Variants in ANO10 observed in about 807,000 individuals in gnomAD.
ANO10 encodes the protein anoctamin 10.
In ANO10, 77 loss-of-function variants were observed where a neutral mutation model predicts 74.7. The ratio of observed to expected loss-of-function variants is 1.03; its 90% CI spans 0.86 to 1.25. ANO10 has a LOEUF of 1.25. Among genes scored for constraint, ANO10 ranks in the 50% most tolerant of loss-of-function variants. ANO10 has a pLI of 0.00. For missense variants in ANO10, 721 were observed against 778.1 expected (o/e 0.93, Z 0.87); for synonymous variants, 279 against 284.9 (o/e 0.98, Z 0.21).
chr3:43,598,510 A>T (rs1263986123), intron 4 of ANO10, 22 bp downstream of exon 4: 1 of 1,611,572 alleles, frequency 6.2e-7, no homozygotes, highest in African/African-American at 1.3e-5. Context: ...TAAGAAAAAG[A>T]CTGGTTGACA....
chr3:43,435,070 T>G (rs1559541362), intron 11 of ANO10, among the ~76,000 whole-genome samples: 1 of 152,198 alleles, frequency 6.6e-6, no homozygotes, highest in Admixed American at 6.5e-5. Context: ...ACACAGGGAT[T>G]CCTATAAATG....
intron 11 of ANO10, among the ~76,000 whole-genome samples, chr3:43,465,678 T>C (rs11714099): frequency 6.6e-6 from 1 of 152,058 alleles, no homozygotes; most frequent in Non-Finnish European, 1.5e-5. Context: ...AATAATCTTA[T>C]GAGACCACTG....
intron 11 of ANO10, among the ~76,000 whole-genome samples, chr3:43,436,624 A>G (rs144587253): frequency 6.6e-6 from 1 of 152,294 alleles, no homozygotes; most frequent in Non-Finnish European, 1.5e-5. Context: ...ACAGGACCAG[A>G]GAAAATTAGC....
At position 43,667,119 on chromosome 3, in the gene ANO10, C is replaced by G. The variant is rs535279534; in HGVS notation, c.-12+24398G>C. Among the ~76,000 whole-genome samples the G allele has an allele frequency of 4.6e-5, 5 of 108,444 alleles. No homozygotes were observed. In the South Asian group the frequency reaches 1.6e-3, roughly 34 times the overall value. The allele number at this position is 108,444 out of a possible 152,430, so 71.1% of individuals were successfully genotyped here. ...TTTTTGTCTTTTCTTGAGACAGAGT[C>G]TCGCTCTGTCACCCAGGCTGGAGTG... On this transcript the variant is annotated intron_variant, in intron 1 of 3. Coordinates refer to the ANO10 transcript ENST00000413397.
At chr3:43,489,356 T>G (rs2076629746) in intron 11 of ANO10, among the ~76,000 whole-genome samples, 2 of 152,072 alleles carry the variant, frequency 1.3e-5, no homozygotes, top group South Asian at 4.1e-4. Context: ...AAAAAATCTG[T>G]TTTTGGCCAC....
chr3:43,658,533 G>A (rs1446441146), intron 1 of ANO10, among the ~76,000 whole-genome samples: 10 of 151,866 alleles, frequency 6.6e-5, no homozygotes, highest in African/African-American at 9.7e-5. Flanking sequence ...GCAGTGGTGC[G>A]ATCTCAGCTC....
chr3:43,542,424 C>T (rs763484180), intron 11 of ANO10, among the ~76,000 whole-genome samples: 3 of 152,106 alleles, frequency 2.0e-5, no homozygotes, highest in Non-Finnish European at 4.4e-5. Flanking sequence ...GTAACACAGA[C>T]GGAACCAATG....
chr3:43,507,068 C>T (rs1364349878), intron 11 of ANO10, among the ~76,000 whole-genome samples: 1 of 152,140 alleles, frequency 6.6e-6, no homozygotes, highest in Non-Finnish European at 1.5e-5. Flanking sequence ...CTAATTCCTA[C>T]TTATTGGAAG....
intron 12 of ANO10, among the ~76,000 whole-genome samples, chr3:43,401,933 C>T (rs148663828): frequency 7.7e-4 from 118 of 152,268 alleles, no homozygotes; most frequent in African/African-American, 2.5e-3. Context: ...GGGTGTCACC[C>T]TCTGCATTTT....
chr3:43,556,088 A>G (rs2079733900), intron 9 of ANO10, among the ~76,000 whole-genome samples: 1 of 152,150 alleles, frequency 6.6e-6, no homozygotes, highest in Admixed American at 6.5e-5. Flanking sequence ...TTGGCTCTAG[A>G]TGGTATGTTC....
intron 9 of ANO10, among the ~76,000 whole-genome samples, chr3:43,556,699 C>T (rs569191294): frequency 6.6e-6 from 1 of 152,282 alleles, no homozygotes; most frequent in South Asian, 2.1e-4. Flanking sequence ...TTGGACCATG[C>T]TATCAACACT....
chr3:43,454,901 T>G (rs940480628), intron 11 of ANO10, among the ~76,000 whole-genome samples: 9 of 152,020 alleles, frequency 5.9e-5, no homozygotes, highest in Non-Finnish European at 1.5e-5. Context: ...AACAGCATGT[T>G]TATGCACCGA....
chr3:43,542,462 T>A (rs9809643), intron 11 of ANO10, among the ~76,000 whole-genome samples: 67,652 of 152,010 alleles, frequency 0.45, 17,965 homozygotes, highest in East Asian at 0.77. Context: ...GCCTGGCCCA[T>A]GACAACAAAT....
At chr3:43,571,220 C>T (rs1454673723) in intron 7 of ANO10, among the ~76,000 whole-genome samples, 2 of 151,874 alleles carry the variant, frequency 1.3e-5, no homozygotes, top group South Asian at 2.1e-4. Flanking sequence ...AATAGGAACA[C>T]TTTTACACTG....
At chr3:43,633,396 T>C (rs1457685100) in intron 1 of ANO10, among the ~76,000 whole-genome samples, 2 of 152,222 alleles carry the variant, frequency 1.3e-5, no homozygotes, top group Non-Finnish European at 2.9e-5. Context: ...CCATTTGACA[T>C]CTGCCAAATA....
intron 12 of ANO10, among the ~76,000 whole-genome samples, chr3:43,380,816 T>C (rs2091939146): frequency 6.6e-6 from 1 of 152,138 alleles, no homozygotes; most frequent in Admixed American, 6.5e-5. Flanking sequence ...ACAAATAGCA[T>C]GTTGAATAGA....
intron 12 of ANO10, among the ~76,000 whole-genome samples, chr3:43,404,726 A>T (rs531318918): frequency 2.0e-5 from 3 of 151,436 alleles, no homozygotes; most frequent in South Asian, 2.1e-4. Context: ...TACAAAAAAT[A>T]AAAAAAAATT....
intron 11 of ANO10, among the ~76,000 whole-genome samples, chr3:43,528,206 CG>C (rs2149240125): frequency 9.7e-6 from 1 of 103,460 alleles, no homozygotes; most frequent in East Asian, 6.0e-4. Context: ...ATGAAAAAAA[CG>C]AAAAAAAAAA....
At chr3:43,632,411 C>G (rs572548276) in intron 1 of ANO10, among the ~76,000 whole-genome samples, 1 of 152,374 alleles carries the variant, frequency 6.6e-6, no homozygotes, top group Admixed American at 6.5e-5. Context: ...GGCCATGTCC[C>G]TCAGTGGAAG....
Sources: gnomAD v4.1 joint callset for allele counts (sites outside exome capture counted in the v4.1 genomes callset) on GRCh38, gnomAD v4.1.1 for gene constraint, MANE v1.5 for transcripts, NCBI Gene and HGNC (gene_info 2026-07-23, HGNC 2026-07-21) for gene names.